ZNF385A: variants seen among roughly 807,000 people sequenced by gnomAD.
ZNF385A encodes the protein hematopoietic zinc finger protein.
In ZNF385A, 14 loss-of-function variants were observed where a neutral mutation model predicts 32.1. The observed-to-expected ratio is 0.44, with a 90% CI of 0.29 to 0.68. The LOEUF (loss-of-function observed/expected upper bound fraction) is 0.68. Among genes scored for constraint, ZNF385A ranks in the 30% least tolerant of loss-of-function variants. The probability of loss-of-function intolerance (pLI) is 0.14; values close to 1 mark genes in which losing one functional copy is unlikely to be tolerated. For synonymous variants in ZNF385A, 197 were observed against 202.7 expected (o/e 0.97, Z 0.24); for missense variants, 406 against 478.4 (o/e 0.85, Z 1.41).
rs1226717421 is a variant in ZNF385A at position 54,371,635 on chromosome 12, C to T, written c.442G>A (p.Glu148Lys). 1 of 1,611,754 alleles carries T rather than the reference C, an allele frequency of 6.2e-7. No homozygotes were observed. Among genetic ancestry groups the T allele is most frequent in the Admixed American group, 1.7e-5 (1 of 59,112 alleles). Reference protein sequence around the residue: ...PGSPSPPSIPETGQGVTKGEG... With the variant: ...PGSPSPPSIPKTGQGVTKGEG... The stretch of plus-strand genomic sequence containing the variant: ...CCCTTGGTTACACCCTGACCAGTCT[C>T]CGGAATGCTGGGAGGGGATGGGGAG... The change falls in exon 4 of 7, where the codon GAG (glutamate) becomes AAG (lysine). Residue 148 changes from glutamate (E) to lysine (K), a missense_variant. Glu to Lys is a moderately conservative substitution (Grantham distance 56). Coordinates refer to ENST00000394313, the MANE Select transcript of ZNF385A (RefSeq NM_015481.3).
chr12:54,383,061 G>A (rs960384769), intron 1 of ZNF385A, among the ~76,000 whole-genome samples: 3 of 151,876 alleles, frequency 2.0e-5, no homozygotes, highest in African/African-American at 4.8e-5. Flanking sequence ...ACTGAGGAGG[G>A]TGAGGCAGGA....
intron 1 of ZNF385A, among the ~76,000 whole-genome samples, chr12:54,383,820 G>A (rs1178238263): frequency 1.3e-5 from 2 of 152,218 alleles, no homozygotes; most frequent in Admixed American, 1.3e-4. Context: ...GGTGAACTGG[G>A]GAGGTGGAGG....
At position 54,374,074 on chromosome 12, in the gene ZNF385A, G is replaced by T. The variant is rs1453354801; in HGVS notation, c.260C>A (p.Ala87Asp). 2 of 1,601,212 alleles carry T rather than the reference G, an allele frequency of 1.2e-6. No homozygotes were observed. The highest frequency in any genetic ancestry group is 1.7e-4 in the Middle Eastern group (1 of 6,042). Residue 87 changes from alanine to aspartate, a missense_variant, in exon 3 of 7, where the codon GCT (alanine) becomes GAT (aspartate). Coordinates refer to ENST00000394313, the MANE Select transcript of ZNF385A (RefSeq NM_015481.3). The stretch of plus-strand genomic sequence containing the variant: ...AGGCTCCCTGCCTCTGGTCTTGGCA[G>T]CCTCAATGCCTTTGACTCGTCGGGC... Reference protein sequence around the residue: ...RHARRVKGIEAAKTRGREPGV... With the variant: ...RHARRVKGIEDAKTRGREPGV...
chr12:54,384,634 G>A lies in ZNF385A; in HGVS notation c.-120C>T. 2.1e-6 allele frequency: 3 copies of A among 1,422,172 alleles called. No homozygotes were observed. The highest frequency in any genetic ancestry group is 2.7e-6 in the Non-Finnish European group (3 of 1,091,774). 88.1% of individuals were successfully genotyped at this position (1,422,172 alleles called of 1,614,324 possible). A position where few individuals can be genotyped will look rare whatever the true frequency, so the allele number is the denominator to read the frequency against. On this transcript the variant is annotated 5_prime_UTR_variant, in exon 1 of 7. Transcript: ENST00000394313. Reference sequence around the variant, plus strand: ...TTGGGAACCCCACCCAAGCCTGCCAGTCCCACTCCCTAGCCAGGGCCCCCA... The same window carrying A: ...TTGGGAACCCCACCCAAGCCTGCCAATCCCACTCCCTAGCCAGGGCCCCCA...
At chr12:54,390,966 A>T (rs968918039) in intron 1 of ZNF385A, among the ~76,000 whole-genome samples, 1 of 151,786 alleles carries the variant, frequency 6.6e-6, no homozygotes, top group African/African-American at 2.4e-5. Flanking sequence ...ATGAATACGC[A>T]ATGTTCTAAT....
At position 54,370,139 on chromosome 12, in the gene ZNF385A, G is replaced by C. The variant is rs552416715; in HGVS notation, c.*117C>G. The C allele has an allele frequency of 1.4e-6, 1 of 718,206 alleles. No individual in the cohort carries two copies. The highest frequency in any genetic ancestry group is 2.7e-5 in the African/African-American group (1 of 37,032). The allele number at this position is 718,206 out of a possible 1,614,324, so 44.5% of individuals were successfully genotyped here. ...TCCTGGAACCCCGTATCTCGGGGTG[G>C]GGGGGGGGAAGGAGAGATCATTTAG... On this transcript the variant is annotated 3_prime_UTR_variant, in exon 7 of 7. Transcript: ENST00000394313. The surrounding 1 kb of genome is among the most constrained non-coding windows in gnomAD (Gnocchi z 5.5).
chr12:54,371,102 G>A lies in ZNF385A; in HGVS notation c.605-6C>T, dbSNP rs1258392138. ...AATTGTCTTGTGCTTAGTACCTGGA[G>A]CCCAGAGAGGGCAGGAGGTAAGGGG... On this transcript the variant is annotated splice_region_variant and splice_polypyrimidine_tract_variant and intron_variant, in intron 4 of 6. Transcript: ENST00000394313. The A allele has an allele frequency of 4.4e-6, 7 of 1,589,724 alleles. No homozygotes were observed. In the South Asian group the frequency reaches 5.7e-5, roughly 13 times the overall value.
upstream of ZNF385A, among the ~76,000 whole-genome samples, chr12:54,388,899 A>G (rs945766784): frequency 3.3e-5 from 5 of 152,158 alleles, no homozygotes; most frequent in African/African-American, 1.2e-4. Context: ...CAGGCTGAGG[A>G]CTGGAAAGGC....
chr12:54,372,413 C>T (rs1031566734), intron 3 of ZNF385A, among the ~76,000 whole-genome samples: 1 of 152,142 alleles, frequency 6.6e-6, no homozygotes, highest in Non-Finnish European at 1.5e-5. Flanking sequence ...ACTCCTCACC[C>T]CTCCAGGTAC....
chr12:54,371,185 A>G, intron 4 of ZNF385A, 89 bp from the exon 5 acceptor site: 1 of 1,406,964 alleles, frequency 7.1e-7, no homozygotes, highest in Non-Finnish European at 9.6e-7. Flanking sequence ...CAGGTACAAT[A>G]TGAGGGGGAA....
chr12:54,375,943 C>A lies in ZNF385A; in HGVS notation c.99G>T (p.Val33=). ...AAGTGTGGGAGAGCACAGCCTTCTGCACAGGGTCCATCTGTGGAGGCAGGC... is the reference window on the plus strand; with the variant it reads ...AAGTGTGGGAGAGCACAGCCTTCTGAACAGGGTCCATCTGTGGAGGCAGGC... ...LFSNYSTMDP[V]QKAVLSHTFG... The change falls in exon 2 of 7, where the codon GTG becomes GTT. Residue 33 remains valine, a synonymous_variant. Transcript: ENST00000394313. 1.9e-6 allele frequency: 3 copies of A among 1,614,132 alleles called. No individual in the cohort carries two copies. Among genetic ancestry groups the A allele is most frequent in the Admixed American group, 1.7e-5 (1 of 60,028 alleles).
intron 3 of ZNF385A, among the ~76,000 whole-genome samples, chr12:54,373,495 A>C (rs1954667595): frequency 1.3e-5 from 2 of 152,060 alleles, no homozygotes; most frequent in Admixed American, 6.5e-5. Context: ...AAAAAAAAAA[A>C]AAACTCTGAC....
intron 1 of ZNF385A, chr12:54,381,169 C>G (rs1171106951): frequency 7.1e-6 from 1 of 140,488 alleles, no homozygotes; most frequent in African/African-American, 2.8e-5. Flanking sequence ...GCACTCCAGC[C>G]TGGGGGACAG....
chr12:54,373,877 G>A, intron 3 of ZNF385A, 96 bp downstream of exon 3: 1 of 1,333,904 alleles, frequency 7.5e-7, no homozygotes, highest in Non-Finnish European at 1.0e-6. Context: ...AGGGACTGAG[G>A]AAGAGAGAGA....
chr12:54,384,314 T>TG (rs1955352258), intron 1 of ZNF385A, 114 bp downstream of exon 1: 1 of 1,242,618 alleles, frequency 8.0e-7, no homozygotes, highest in Non-Finnish European at 1.1e-6. Flanking sequence ...TTAAGGAAGA[T>TG]GGGGTCATAA....
In ZNF385A at chr12:54,370,978, G is replaced by T. The variant is rs747316128; in HGVS notation, c.723C>A (p.Phe241Leu). 1 of 1,614,198 alleles carries T rather than the reference G, an allele frequency of 6.2e-7. No homozygotes were observed. Among genetic ancestry groups the T allele is most frequent in the Admixed American group, 1.7e-5 (1 of 60,018 alleles). ...EPEAPAQDRTFHCEICNVKVN... is the reference protein window; with the variant it reads ...EPEAPAQDRTLHCEICNVKVN... ...CCTTGACATTGCAGATCTCACAGTGGAAAGTTCGGTCCTGGGCAGGAGCCT... is the reference window on the plus strand; with the variant it reads ...CCTTGACATTGCAGATCTCACAGTGTAAAGTTCGGTCCTGGGCAGGAGCCT... Residue 241 changes from phenylalanine (F) to leucine (L), a missense_variant, in exon 5 of 7, where the codon TTC becomes TTA. Phe to Leu is a conservative substitution (Grantham distance 22, BLOSUM62 0). Transcript: ENST00000394313. This position sits in a 1 kb window ranked among gnomAD's most constrained non-coding sequence, Gnocchi z 5.5.
chr12:54,381,850 A>T (rs1955197255), intron 1 of ZNF385A, among the ~76,000 whole-genome samples: 1 of 152,100 alleles, frequency 6.6e-6, no homozygotes, highest in Non-Finnish European at 1.5e-5. Flanking sequence ...AGGCCCCATC[A>T]CATCCAGGAA....
chr12:54,373,165 G>A, intron 3 of ZNF385A: 1 of 155,758 alleles, frequency 6.4e-6, no homozygotes, highest in Non-Finnish European at 1.4e-5. Flanking sequence ...GTGTGTGTGT[G>A]TGTATTGAGA....
At chr12:54,380,723 C>T (rs1379282416) in intron 1 of ZNF385A, among the ~76,000 whole-genome samples, 1 of 152,180 alleles carries the variant, frequency 6.6e-6, no homozygotes, top group African/African-American at 2.4e-5. Flanking sequence ...TCTCTCTTTA[C>T]TCCTCTTTTA....
Sources: gnomAD v4.1 joint callset for allele counts (sites outside exome capture counted in the v4.1 genomes callset) on GRCh38, gnomAD v4.1.1 for gene constraint, Gnocchi (gnomAD v3.1) non-coding constraint, MANE v1.5 for transcripts, NCBI Gene and HGNC (gene_info 2026-07-23, HGNC 2026-07-21) for gene names.